Variants in SPOPL observed in about 807,000 individuals in gnomAD.
SPOPL encodes the protein speckle-type POZ protein-like.
Under a neutral mutation model 53.8 loss-of-function variants are expected in SPOPL, and 23 were observed. That is an observed-to-expected ratio of 0.43 (90% CI 0.31 to 0.61). The LOEUF is 0.61. Ranked by LOEUF, SPOPL falls within the 20% of genes least tolerant of loss-of-function variation. The probability of loss-of-function intolerance (pLI) is 0.12; values close to 1 mark genes in which losing one functional copy is unlikely to be tolerated. For missense variants in SPOPL, 442 were observed against 466.9 expected (o/e 0.95, Z 0.49); for synonymous variants, 164 against 149.7 (o/e 1.10, Z -0.70).
intron 1 of SPOPL, among the ~76,000 whole-genome samples, chr2:138,548,340 G>A (rs1041902980): frequency 4.8e-5 from 7 of 146,476 alleles, no homozygotes; most frequent in African/African-American, 7.6e-5. Context: ...AATGCAAGTT[G>A]CCAGAAAACA....
Position 138,559,276 on chromosome 2 carries a change from T to C in SPOPL, c.659-6T>C. ...CATAAAATAATGATACATAATCTTG[T>C]TACAGCTCGATCTCCAGTTTTTAAC... is the stretch of plus-strand genomic sequence containing the variant. On this transcript the variant is annotated splice_region_variant and splice_polypyrimidine_tract_variant and intron_variant, in intron 6 of 10. Coordinates refer to ENST00000280098, the MANE Select transcript of SPOPL (RefSeq NM_001001664.3). 6.2e-7 allele frequency: 1 copy of C among 1,613,034 alleles called. No homozygotes were observed. Among genetic ancestry groups the C allele is most frequent in the Non-Finnish European group, 8.5e-7 (1 of 1,179,590 alleles).
intron 1 of SPOPL, among the ~76,000 whole-genome samples, chr2:138,544,175 G>A (rs1558873597): frequency 6.6e-6 from 1 of 152,190 alleles, no homozygotes; most frequent in African/African-American, 2.4e-5. Context: ...GGCTACTCGG[G>A]GGTCAGGGAC....
intron 1 of SPOPL, among the ~76,000 whole-genome samples, chr2:138,516,986 TG>T (rs1200673452): frequency 6.6e-6 from 1 of 152,206 alleles, no homozygotes; most frequent in Non-Finnish European, 1.5e-5. Context: ...TAGACAAATG[TG>T]AAGTTGTGCC....
At chr2:138,530,039 T>C (rs1055257271) in intron 1 of SPOPL, among the ~76,000 whole-genome samples, 1 of 152,188 alleles carries the variant, frequency 6.6e-6, no homozygotes, top group African/African-American at 2.4e-5. Context: ...GTTTCCATCT[T>C]TTAGCTGCCA....
intron 1 of SPOPL, among the ~76,000 whole-genome samples, chr2:138,533,651 G>T (rs934004214): frequency 1.3e-5 from 2 of 151,536 alleles, no homozygotes; most frequent in Admixed American, 6.6e-5. Flanking sequence ...ATTCTCCCTG[G>T]TACAGTCTTA....
intron 1 of SPOPL, among the ~76,000 whole-genome samples, chr2:138,504,893 A>G (rs950295994): frequency 1.3e-5 from 2 of 152,206 alleles, no homozygotes; most frequent in Non-Finnish European, 2.9e-5. Flanking sequence ...GTTTATATAT[A>G]TTAACTTATT....
intron 1 of SPOPL, among the ~76,000 whole-genome samples, chr2:138,512,798 C>T (rs1684355155): frequency 6.6e-6 from 1 of 152,146 alleles, no homozygotes; most frequent in Admixed American, 6.5e-5. Flanking sequence ...TATTGACTGA[C>T]TGTTAAATAC....
chr2:138,529,115 A>G (rs1376318556), intron 1 of SPOPL, among the ~76,000 whole-genome samples: 1 of 152,178 alleles, frequency 6.6e-6, no homozygotes, highest in Non-Finnish European at 1.5e-5. Context: ...CAAATTTCAA[A>G]ATAGTTCTCT....
At chr2:138,510,492 C>T (rs551433485) in intron 1 of SPOPL, among the ~76,000 whole-genome samples, 161 of 152,160 alleles carry the variant, frequency 1.1e-3, no homozygotes, top group Non-Finnish European at 1.9e-3. Context: ...CCTGCTGGAT[C>T]GGCCCATTTC....
At chr2:138,505,780 T>G (rs1684204478) in intron 1 of SPOPL, among the ~76,000 whole-genome samples, 1 of 151,474 alleles carries the variant, frequency 6.6e-6, no homozygotes, top group African/African-American at 2.4e-5. Context: ...TAATAATAAT[T>G]ATAAAAATAA....
At chr2:138,521,379 T>C (rs1033931415) in intron 1 of SPOPL, among the ~76,000 whole-genome samples, 2 of 151,982 alleles carry the variant, frequency 1.3e-5, no homozygotes, top group Non-Finnish European at 2.9e-5. Context: ...TTTTTTTTTT[T>C]TTTCCATTTT....
At chr2:138,536,008 T>C (rs1490035397) in intron 1 of SPOPL, among the ~76,000 whole-genome samples, 2 of 152,186 alleles carry the variant, frequency 1.3e-5, no homozygotes, top group African/African-American at 2.4e-5. Flanking sequence ...TTTGTTGACA[T>C]TCTTTATTTT....
chr2:138,504,978 T>G (rs1325140428), intron 1 of SPOPL, among the ~76,000 whole-genome samples: 1 of 152,232 alleles, frequency 6.6e-6, no homozygotes, highest in Non-Finnish European at 1.5e-5. Context: ...AACAGATTAC[T>G]TAACTTCTGC....
At chr2:138,505,765 T>TA (rs1057397281) in intron 1 of SPOPL, among the ~76,000 whole-genome samples, 6 of 151,626 alleles carry the variant, frequency 4.0e-5, no homozygotes, top group African/African-American at 1.5e-4. Flanking sequence ...TGTCTCAAAA[T>TA]AAAATAATAA....
chr2:138,527,509 T>C (rs1370679655), intron 1 of SPOPL, among the ~76,000 whole-genome samples: 1 of 152,242 alleles, frequency 6.6e-6, no homozygotes, highest in African/African-American at 2.4e-5. Flanking sequence ...AAACTTATTT[T>C]GTCATTTATT....
intron 1 of SPOPL, among the ~76,000 whole-genome samples, chr2:138,510,320 A>G (rs1453784215): frequency 2.0e-5 from 3 of 152,206 alleles, no homozygotes; most frequent in Non-Finnish European, 4.4e-5. Context: ...TGGCCATACC[A>G]TTTTACATTC....
chr2:138,548,451 C>T (rs565119546), intron 1 of SPOPL, among the ~76,000 whole-genome samples: 2 of 151,920 alleles, frequency 1.3e-5, no homozygotes, highest in South Asian at 4.1e-4. Flanking sequence ...TGCCAGAAAT[C>T]TCACTATGAA....
At chr2:138,543,392 C>T (rs967131182) in intron 1 of SPOPL, among the ~76,000 whole-genome samples, 3 of 152,334 alleles carry the variant, frequency 2.0e-5, no homozygotes, top group East Asian at 1.9e-4. Flanking sequence ...TAGATTTGGT[C>T]TTTTCACATA....
At chr2:138,503,186 T>C (rs890096159) in intron 1 of SPOPL, among the ~76,000 whole-genome samples, 5 of 152,222 alleles carry the variant, frequency 3.3e-5, no homozygotes, top group African/African-American at 1.2e-4. Context: ...TGTTGCCTAG[T>C]GGTTAAGAAC....
Sources: allele counts gnomAD v4.1 joint callset (sites outside exome capture counted in the v4.1 genomes callset), GRCh38; gene constraint gnomAD v4.1.1; transcripts MANE v1.5; gene names NCBI Gene and HGNC (gene_info 2026-07-23, HGNC 2026-07-21).